The following IPCEF1 variants were observed in gnomAD, a reference collection of about 807,000 sequenced individuals.
IPCEF1 encodes interactor protein for cytohesin exchange factors 1.
IPCEF1 carries 31 observed loss-of-function variants against 50.9 expected under a neutral mutation model. That is an observed-to-expected ratio of 0.61 (90% confidence interval 0.46 to 0.82). IPCEF1 has a LOEUF of 0.82. Ranked by LOEUF, IPCEF1 falls within the 40% of genes least tolerant of loss-of-function variation. The pLI, the probability that IPCEF1 is intolerant of heterozygous loss-of-function variation, is 0.00. For synonymous variants in IPCEF1, 181 were observed against 192.0 expected, an observed-to-expected ratio of 0.94 and a Z score of 0.47; for missense variants, 458 against 514.0, an observed-to-expected ratio of 0.89 and a Z score of 1.05.
intron 10 of IPCEF1, among the ~76,000 whole-genome samples, chr6:154,185,941 C>A (rs576300359): frequency 5.3e-5 from 8 of 152,320 alleles, no homozygotes; most frequent in Non-Finnish European, 1.0e-4. Context: ...TGACTTAGCC[C>A]CCAGAATAAC....
At chr6:154,321,804 A>AAC (rs1783387697) in intron 1 of IPCEF1, among the ~76,000 whole-genome samples, 2 of 148,250 alleles carry the variant, frequency 1.3e-5, no homozygotes, top group South Asian at 4.2e-4. Flanking sequence ...AAAAAAAAAA[A>AAC]AACCAAGGAA....
intron 1 of IPCEF1, among the ~76,000 whole-genome samples, chr6:154,299,760 A>G (rs1409828630): frequency 7.1e-6 from 1 of 141,146 alleles, no homozygotes; most frequent in Admixed American, 7.4e-5. Flanking sequence ...TTAAAACGAA[A>G]TAAAATAAAA....
At chr6:154,215,906 C>T (rs1485768834) in intron 7 of IPCEF1, among the ~76,000 whole-genome samples, 1 of 152,098 alleles carries the variant, frequency 6.6e-6, no homozygotes, top group Non-Finnish European at 1.5e-5. Context: ...TTGAGAAATG[C>T]ACACTCAAAC....
chr6:154,265,393 C>T (rs1229534561), intron 3 of IPCEF1, among the ~76,000 whole-genome samples: 2 of 151,778 alleles, frequency 1.3e-5, no homozygotes, highest in Non-Finnish European at 2.9e-5. Context: ...TGATTCTCCT[C>T]CCTCAGCCTC....
At chr6:154,284,331 T>C (rs562541744) in intron 2 of IPCEF1, among the ~76,000 whole-genome samples, 1 of 152,368 alleles carries the variant, frequency 6.6e-6, no homozygotes, top group East Asian at 1.9e-4. Flanking sequence ...AAGGGTGTTG[T>C]ATAGAGATAC....
Position 154,194,748 on chromosome 6 carries a change from C to A in IPCEF1, c.910+4920G>T, listed in dbSNP as rs376877877. ...AATGGCCTACTTAAATCACACAAATCTGCAGGTAACCTAATCAGCATAACT... is the reference window on the plus strand; with the variant it reads ...AATGGCCTACTTAAATCACACAAATATGCAGGTAACCTAATCAGCATAACT... On this transcript the variant is annotated intron_variant, in intron 10 of 11. Transcript: ENST00000367220. 5.1e-4 allele frequency among the ~76,000 whole-genome samples: 77 copies of A among 152,240 alleles called. 1 individual carries two copies. The South Asian group carries it at 0.015, about 30-fold the overall frequency.
intron 1 of IPCEF1, among the ~76,000 whole-genome samples, chr6:154,337,566 A>T (rs147103490): frequency 6.6e-6 from 1 of 152,244 alleles, no homozygotes; most frequent in Admixed American, 6.5e-5. Flanking sequence ...AGGCCTCAGC[A>T]GCTGAATTAG....
At chr6:154,311,680 A>G (rs1406823609) in intron 1 of IPCEF1, among the ~76,000 whole-genome samples, 2 of 152,262 alleles carry the variant, frequency 1.3e-5, no homozygotes, top group Non-Finnish European at 2.9e-5. Context: ...CAACAAGTGT[A>G]TGAAAAAAAT....
At chr6:154,197,917 CT>C (rs1377758537) in intron 10 of IPCEF1, among the ~76,000 whole-genome samples, 1 of 152,092 alleles carries the variant, frequency 6.6e-6, no homozygotes, top group Non-Finnish European at 1.5e-5. Context: ...AGATGTAGTA[CT>C]TTTTATTATT....
chr6:154,333,651 T>C (rs1436347748), intron 1 of IPCEF1, among the ~76,000 whole-genome samples: 1 of 151,626 alleles, frequency 6.6e-6, no homozygotes, highest in Non-Finnish European at 1.5e-5. Flanking sequence ...TATACATGTA[T>C]ACATATATGT....
rs563453036 is a variant in IPCEF1 at position 154,271,207 on chromosome 6, A to AT, written c.-17-5244_-17-5243insA. ...GACCCCATCTCTACAAAAAAAAAAT[A>AT]AATAAATAAGAAAAATCAGCCCTGT... is the stretch of plus-strand genomic sequence containing the variant. On this transcript the variant is annotated intron_variant, in intron 2 of 11. Coordinates refer to ENST00000367220, the MANE Select transcript of IPCEF1 (RefSeq NM_001130700.2). Among the ~76,000 whole-genome samples the AT allele has an allele frequency of 5.1e-3, 762 of 149,940 alleles. 8 individuals are homozygous for AT. Among genetic ancestry groups the AT allele is most frequent in the African/African-American group, 0.018 (733 of 41,052 alleles).
chr6:154,288,789 T>C (rs1226081530), intron 2 of IPCEF1, among the ~76,000 whole-genome samples: 1 of 147,014 alleles, frequency 6.8e-6, no homozygotes, highest in Non-Finnish European at 1.5e-5. Context: ...TAAGGCTTAG[T>C]ACAATGGCTC....
chr6:154,258,931 T>G (rs1179405655), intron 3 of IPCEF1, among the ~76,000 whole-genome samples: 1 of 152,186 alleles, frequency 6.6e-6, no homozygotes, highest in Non-Finnish European at 1.5e-5. Context: ...ACAAAAAGTT[T>G]TATGGTCTTA....
chr6:154,217,060 G>C (rs1778457217), intron 7 of IPCEF1: 1 of 160,358 alleles, frequency 6.2e-6, no homozygotes, highest in African/African-American at 2.4e-5. Context: ...TATATGAAAA[G>C]CCACCAAGTT....
intron 1 of IPCEF1, among the ~76,000 whole-genome samples, chr6:154,305,998 G>A (rs1782922896): frequency 6.6e-6 from 1 of 152,086 alleles, no homozygotes; most frequent in Non-Finnish European, 1.5e-5. Flanking sequence ...ACTTGCAGAG[G>A]GCCTATTGTG....
Position 154,246,663 on chromosome 6 carries a change from G to A in IPCEF1, c.174C>T (p.Phe58=). Residue 58 remains phenylalanine (F), a synonymous_variant, in exon 5 of 12, where the codon TTC becomes TTT. Coordinates refer to ENST00000367220, the MANE Select transcript of IPCEF1 (RefSeq NM_001130700.2). ...WLYKKKEKGS[F]LSNKWKKFWV... ...AGAACTTTTTCCATTTGTTGCTTAG[G>A]AAACTTCCCTTTTCCTTTTTCTTAT... The A allele has an allele frequency of 6.2e-7, 1 of 1,614,052 alleles. No individual in the cohort carries two copies.
chr6:154,300,374 A>G (rs1168542943), intron 1 of IPCEF1, among the ~76,000 whole-genome samples: 1 of 152,108 alleles, frequency 6.6e-6, no homozygotes, highest in African/African-American at 2.4e-5. Flanking sequence ...AATTTTAGGA[A>G]GCTGAGGCAG....
chr6:154,173,197 C>T (rs1800018752), intron 10 of IPCEF1, among the ~76,000 whole-genome samples: 1 of 152,184 alleles, frequency 6.6e-6, no homozygotes, highest in African/African-American at 2.4e-5. Flanking sequence ...GTAGATAAAA[C>T]CTCAAAAATG....
intron 10 of IPCEF1, among the ~76,000 whole-genome samples, chr6:154,195,694 A>C (rs1000066930): frequency 6.6e-6 from 1 of 150,536 alleles, no homozygotes; most frequent in Non-Finnish European, 1.5e-5. Context: ...TGTGGCACCT[A>C]TTTTACTCTG....
Sources: allele counts gnomAD v4.1 joint callset (sites outside exome capture counted in the v4.1 genomes callset), GRCh38; gene constraint gnomAD v4.1.1; transcripts MANE v1.5; gene names NCBI Gene and HGNC (gene_info 2026-07-23, HGNC 2026-07-21).